MICOS10: variants seen among roughly 807,000 people sequenced by gnomAD.
The protein encoded by MICOS10 is MICOS complex subunit MIC10.
Under a neutral mutation model 13.4 loss-of-function variants are expected in MICOS10, and 5 were observed. The ratio of observed to expected loss-of-function variants is 0.37; its 90% CI spans 0.20 to 0.78. The LOEUF is 0.78. Ranked by LOEUF, MICOS10 falls within the 30% of genes least tolerant of loss-of-function variation. MICOS10 has a pLI of 0.47. For missense variants in MICOS10, 101 were observed against 94.6 expected (o/e 1.07, Z -0.28); for synonymous variants, 35 against 33.6 (o/e 1.04, Z -0.15).
chr1:19,602,346 C>T (rs905509470), intron 1 of MICOS10, among the ~76,000 whole-genome samples: 1 of 152,200 alleles, frequency 6.6e-6, no homozygotes, highest in Non-Finnish European at 1.5e-5. Context: ...TGCCCGTTCA[C>T]ATGTTTGATC....
chr1:19,608,715 C>G (rs2094845905), intron 1 of MICOS10: 1 of 561,760 alleles, frequency 1.8e-6, no homozygotes, highest in African/African-American at 1.9e-5. Context: ...TCAAAGAAAA[C>G]TGATATACTG....
At chr1:19,619,317 T>G (rs766023288) in intron 1 of MICOS10, among the ~76,000 whole-genome samples, 1 of 152,228 alleles carries the variant, frequency 6.6e-6, no homozygotes, top group Non-Finnish European at 1.5e-5. Context: ...TCCTGCTGAT[T>G]ATGTTTGCTT....
chr1:19,628,489 C>T lies in MICOS10; in HGVS notation c.*2088C>T, dbSNP rs145139469. The stretch of plus-strand genomic sequence containing the variant: ...ATGAGGTCAAGAGATCAAGACCATC[C>T]TGGCCAACATTGTAAAACCCTGTCT... On this transcript the variant is annotated 3_prime_UTR_variant, in exon 4 of 4. Transcript: ENST00000322753. 0.053 allele frequency: 7,790 copies of T among 146,790 alleles called. 295 individuals carry two copies. The highest frequency in any genetic ancestry group is 0.074 in the Non-Finnish European group (4,880 of 65,964). The allele number at this position is 146,790 out of a possible 1,614,324, so 9.1% of individuals were successfully genotyped here.
chr1:19,607,868 A>G (rs2792046), intron 1 of MICOS10, among the ~76,000 whole-genome samples: 16,660 of 152,254 alleles, frequency 0.11, 3,082 homozygotes, highest in African/African-American at 0.38. Flanking sequence ...AGAGCTGGAC[A>G]TATAAATCAG....
chr1:19,621,599 C>T (rs2094903726), intron 1 of MICOS10, among the ~76,000 whole-genome samples: 1 of 152,190 alleles, frequency 6.6e-6, no homozygotes. Flanking sequence ...CGTCTTTTTC[C>T]TCTGCCTAGA....
intron 1 of MICOS10, chr1:19,597,763 G>T: frequency 6.6e-6 from 1 of 152,372 alleles, no homozygotes. Flanking sequence ...TCACTGTATG[G>T]TGGGGAGGAG....
intron 2 of MICOS10, among the ~76,000 whole-genome samples, chr1:19,622,391 T>C (rs982228495): frequency 1.6e-4 from 25 of 152,352 alleles, no homozygotes; most frequent in Non-Finnish European, 2.4e-4. Flanking sequence ...ATCCTAAATA[T>C]GATATCATTG....
rs113310638 is a variant in MICOS10 at position 19,620,097 on chromosome 1, T to C, written c.65-2003T>C. ...GTGAAAAATGCTTTGTACTTTTTCC[T>C]TTGGCTTTTTTCCCTCAAAAGAGCT... On this transcript the variant is annotated intron_variant, in intron 1 of 3. Transcript: ENST00000322753. Among the ~76,000 whole-genome samples the C allele has an allele frequency of 2.3e-4, 35 of 152,378 alleles. 1 individual carries two copies. The highest frequency in any genetic ancestry group is 8.2e-4 in the African/African-American group (34 of 41,598).
chr1:19,603,735 T>C (rs2094824760), intron 1 of MICOS10, among the ~76,000 whole-genome samples: 1 of 152,234 alleles, frequency 6.6e-6, no homozygotes, highest in African/African-American at 2.4e-5. Context: ...TATTTTAGCA[T>C]TTGAAGAAAT....
chr1:19,625,350 AAGTAGC>A (rs1237327369), intron 3 of MICOS10: 2 of 1,280,524 alleles, frequency 1.6e-6, no homozygotes, highest in Non-Finnish European at 2.0e-6. Context: ...ACCAAATCCA[AAGTAGC>A]AGTATCCTGC....
intron 1 of MICOS10, among the ~76,000 whole-genome samples, chr1:19,603,293 G>A (rs1234280728): frequency 6.6e-6 from 1 of 152,122 alleles, no homozygotes; most frequent in Non-Finnish European, 1.5e-5. Flanking sequence ...TCCTGCCATT[G>A]CACCCCAGCT....
At chr1:19,604,350 A>G (rs1055752162) in intron 1 of MICOS10, among the ~76,000 whole-genome samples, 11 of 152,150 alleles carry the variant, frequency 7.2e-5, no homozygotes, top group Admixed American at 5.9e-4. Flanking sequence ...TCTACTAGAC[A>G]TACAAAAAAT....
At position 19,597,012 on chromosome 1, in the gene MICOS10, G is replaced by A. The variant is rs374640616; in HGVS notation, c.-34G>A. The A allele has an allele frequency of 2.9e-4, 457 of 1,570,988 alleles. 8 individuals are homozygous for A. In the South Asian group the frequency reaches 4.9e-3, roughly 17 times the overall value. On this transcript the variant is annotated 5_prime_UTR_variant, in exon 1 of 4. Coordinates refer to ENST00000322753, the MANE Select transcript of MICOS10 (RefSeq NM_001032363.4). ...TTCAGGGGTCGGAGCGCGGGGGCCG[G>A]CCGAGAGGAAAGCTGGAGGCGCGGG...
At chr1:19,626,284 G>A in intron 3 of MICOS10, 103 bp from the exon 4 acceptor site, 1 of 1,360,684 alleles carries the variant, frequency 7.3e-7, no homozygotes. Context: ...AGTGTGATAA[G>A]GTTTTGGCTT....
intron 1 of MICOS10, among the ~76,000 whole-genome samples, chr1:19,606,728 A>G (rs1174354048): frequency 6.6e-6 from 1 of 151,542 alleles, no homozygotes; most frequent in Non-Finnish European, 1.5e-5. Flanking sequence ...CCTGGGCGAC[A>G]GAACAAGAAG....
At chr1:19,621,572 C>G (rs2094903564) in intron 1 of MICOS10, among the ~76,000 whole-genome samples, 1 of 152,150 alleles carries the variant, frequency 6.6e-6, no homozygotes, top group Admixed American at 6.5e-5. Flanking sequence ...TTTTCTTCAT[C>G]TGGGGCTCTG....
rs1012399394 is a variant in MICOS10 at position 19,599,362 on chromosome 1, T to C, written c.64+2253T>C. ...TTGAGCCACTGCACCCAGCCAATAG[T>C]TGTTGATATTAATATTATTGTGCTA... is the stretch of plus-strand genomic sequence containing the variant. On this transcript the variant is annotated intron_variant, in intron 1 of 3. Transcript: ENST00000322753. Among the ~76,000 whole-genome samples the C allele has an allele frequency of 2.0e-5, 3 of 152,196 alleles. 1 individual carries two copies.
At chr1:19,597,180 G>A (rs2094795134) in intron 1 of MICOS10, 71 bp downstream of exon 1, 2 of 1,484,842 alleles carry the variant, frequency 1.3e-6, no homozygotes, top group East Asian at 5.1e-5. Context: ...CTGCCCAGGA[G>A]GAAGGAAGGG....
intron 1 of MICOS10, chr1:19,608,472 C>T: frequency 8.0e-7 from 1 of 1,256,398 alleles, no homozygotes; most frequent in Non-Finnish European, 1.2e-6. Flanking sequence ...AGAGCCCTTG[C>T]CTGCTCGGGT....
Sources: allele counts gnomAD v4.1 joint callset (sites outside exome capture counted in the v4.1 genomes callset), GRCh38; gene constraint gnomAD v4.1.1; transcripts MANE v1.5; gene names NCBI Gene and HGNC (gene_info 2026-07-23, HGNC 2026-07-21).